The following MBD5 variants were observed in gnomAD, a reference collection of about 807,000 sequenced individuals.
MBD5 encodes the protein methyl-CpG-binding domain protein 5.
In MBD5, 13 loss-of-function variants were observed where a neutral mutation model predicts 117.3. The ratio of observed to expected loss-of-function variants is 0.11; its 90% CI spans 0.07 to 0.18. The LOEUF is 0.18. Among genes scored for constraint, MBD5 ranks in the 10% least tolerant of loss-of-function variants. The pLI is 1.00. For missense variants in MBD5, 1,879 were observed against 2,093.8 expected, an observed-to-expected ratio of 0.90 and a Z score of 2.00; for synonymous variants, 727 against 766.4, an observed-to-expected ratio of 0.95 and a Z score of 0.85.
In MBD5 at chr2:148,021,496, C is replaced by CTGT. The variant is rs1289732061; in HGVS notation, c.-1112_-1111insGTT. The CTGT allele has an allele frequency of 2.5e-4, 144 of 577,486 alleles. 1 individual carries two copies. The highest frequency in any genetic ancestry group is 1.8e-3 in the South Asian group (118 of 65,956). 35.8% of individuals were successfully genotyped at this position (577,486 alleles called of 1,614,324 possible). A position where few individuals can be genotyped will look rare whatever the true frequency, so the allele number is the denominator to read the frequency against. On this transcript the variant is annotated 5_prime_UTR_variant, in exon 1 of 14. Coordinates refer to ENST00000642680, the MANE Select transcript of MBD5 (RefSeq NM_001378120.1). ...GCTGCTGCTGTTGCTGCTGCTGCTG[C>CTGT]TACTGCTGCTGCTGCTACTGCTGCT...
intron 13 of MBD5, among the ~76,000 whole-genome samples, chr2:148,510,989 G>A (rs1682196877): frequency 6.6e-6 from 1 of 152,158 alleles, no homozygotes; most frequent in African/African-American, 2.4e-5. Context: ...GATGAGAAAT[G>A]CCAGTGAAGA....
At chr2:148,314,443 T>G (rs1702110926) in intron 3 of MBD5, among the ~76,000 whole-genome samples, 1 of 138,308 alleles carries the variant, frequency 7.2e-6, no homozygotes, top group Non-Finnish European at 1.5e-5. Flanking sequence ...AGTGGCACCA[T>G]CTCGGTTCAC....
chr2:148,348,662 A>G (rs1703180051), intron 4 of MBD5, among the ~76,000 whole-genome samples: 1 of 152,032 alleles, frequency 6.6e-6, no homozygotes. Flanking sequence ...TTTCAGTGTA[A>G]GTAGATTCAA....
intron 4 of MBD5, among the ~76,000 whole-genome samples, chr2:148,422,791 CA>C (rs1705649446): frequency 6.6e-6 from 1 of 152,018 alleles, no homozygotes. Flanking sequence ...GAAGCATACA[CA>C]AGTATCAATA....
At chr2:148,134,469 CT>C (rs1233732491) in intron 1 of MBD5, among the ~76,000 whole-genome samples, 1 of 152,050 alleles carries the variant, frequency 6.6e-6, no homozygotes, top group Non-Finnish European at 1.5e-5. Context: ...AAATTCTTTG[CT>C]TTGTATTCTG....
intron 3 of MBD5, among the ~76,000 whole-genome samples, chr2:148,309,287 C>T (rs1434397864): frequency 4.6e-5 from 7 of 152,144 alleles, no homozygotes; most frequent in East Asian, 1.9e-4. Flanking sequence ...TATCCATGAA[C>T]GTGGAATGCT....
chr2:148,234,569 A>G (rs1054316227), intron 3 of MBD5, among the ~76,000 whole-genome samples: 1 of 152,164 alleles, frequency 6.6e-6, no homozygotes, highest in African/African-American at 2.4e-5. Context: ...CAATTATAAC[A>G]ATAGTATTAT....
intron 1 of MBD5, among the ~76,000 whole-genome samples, chr2:148,087,405 A>G (rs1466705665): frequency 2.6e-4 from 40 of 152,188 alleles, no homozygotes; most frequent in Non-Finnish European, 7.3e-5. Context: ...CTGCTACTAT[A>G]ACCAGCATTC....
chr2:148,482,692 AC>A (rs940271121), intron 8 of MBD5, among the ~76,000 whole-genome samples: 1 of 152,104 alleles, frequency 6.6e-6, no homozygotes, highest in African/African-American at 2.4e-5. Context: ...AAGACAAATA[AC>A]TTTTTTAATG....
chr2:148,157,086 GTTA>G lies in MBD5; in HGVS notation c.-924-21608_-924-21606del, dbSNP rs1287677126. ...ATTAAATATTTAAATAATTTTGTAA[GTTA>G]TTATTTGAATCAAAACATCTGTTCA... On this transcript the variant is annotated intron_variant, in intron 1 of 13. Coordinates refer to ENST00000642680, the MANE Select transcript of MBD5 (RefSeq NM_001378120.1). Among the ~76,000 whole-genome samples, 4 of 152,174 alleles carry G rather than the reference GTTA, an allele frequency of 2.6e-5. No homozygotes were observed. The East Asian group carries it at 5.8e-4, about 22-fold the overall frequency.
intron 2 of MBD5, among the ~76,000 whole-genome samples, chr2:148,213,096 G>GT (rs1223093421): frequency 1.3e-5 from 2 of 152,078 alleles, no homozygotes; most frequent in Non-Finnish European, 2.9e-5. Flanking sequence ...AGGAACTGCC[G>GT]TTTTTCTCTT....
chr2:148,388,484 T>C (rs1446372552), intron 4 of MBD5, among the ~76,000 whole-genome samples: 1 of 152,236 alleles, frequency 6.6e-6, no homozygotes, highest in African/African-American at 2.4e-5. Flanking sequence ...AAGCATGTGT[T>C]ATTTTGCTTC....
In MBD5 at chr2:148,248,279, T is replaced by C. The variant is rs115979760; in HGVS notation, c.-680+14884T>C. Reference sequence around the variant, plus strand: ...AAATTGGTTAATTTAAACCTTGACATTGAGCATAGGAATGAAATATCTCTT... The same window carrying C: ...AAATTGGTTAATTTAAACCTTGACACTGAGCATAGGAATGAAATATCTCTT... On this transcript the variant is annotated intron_variant, in intron 3 of 13. Coordinates refer to ENST00000642680, the MANE Select transcript of MBD5 (RefSeq NM_001378120.1). Among the ~76,000 whole-genome samples, 588 of 152,264 alleles carry C rather than the reference T, an allele frequency of 3.9e-3. 1 individual carries two copies. Among genetic ancestry groups the C allele is most frequent in the Non-Finnish European group, 6.4e-3 (437 of 67,984 alleles).
chr2:148,106,388 CTAATAA>C (rs1195943852), intron 1 of MBD5, among the ~76,000 whole-genome samples: 1 of 151,602 alleles, frequency 6.6e-6, no homozygotes, highest in Non-Finnish European at 1.5e-5. Context: ...TTGCCTTAGA[CTAATAA>C]TAATATAGTT....
chr2:148,146,767 C>G (rs992585277), intron 1 of MBD5, among the ~76,000 whole-genome samples: 1 of 152,130 alleles, frequency 6.6e-6, no homozygotes, highest in African/African-American at 2.4e-5. Flanking sequence ...ATCTGAGGCT[C>G]TTTTAATTTT....
intron 3 of MBD5, among the ~76,000 whole-genome samples, chr2:148,328,230 A>C (rs980629517): frequency 6.6e-6 from 1 of 152,210 alleles, no homozygotes; most frequent in African/African-American, 2.4e-5. Context: ...TGGGAGGACC[A>C]CTGCTCTCTT....
intron 4 of MBD5, among the ~76,000 whole-genome samples, chr2:148,456,347 T>C (rs2105519011): frequency 6.6e-6 from 1 of 152,244 alleles, no homozygotes; most frequent in South Asian, 2.1e-4. Context: ...CTAATGCCAT[T>C]CATGATGGCT....
intron 1 of MBD5, among the ~76,000 whole-genome samples, chr2:148,178,136 G>A (rs1480034058): frequency 1.3e-5 from 2 of 152,184 alleles, no homozygotes; most frequent in African/African-American, 2.4e-5. Flanking sequence ...GTCTATTAGA[G>A]GGAATTTTAT....
intron 3 of MBD5, among the ~76,000 whole-genome samples, chr2:148,335,556 CA>C (rs1191010776): frequency 6.6e-6 from 1 of 151,746 alleles, no homozygotes; most frequent in East Asian, 1.9e-4. Flanking sequence ...TCTTCTCTAC[CA>C]AAAATAAACA....
Sources: allele counts gnomAD v4.1 joint callset (sites outside exome capture counted in the v4.1 genomes callset), GRCh38; gene constraint gnomAD v4.1.1; transcripts MANE v1.5; gene names NCBI Gene and HGNC (gene_info 2026-07-23, HGNC 2026-07-21).